The following NAF1 variants were observed in gnomAD, a reference collection of about 807,000 sequenced individuals.
The protein encoded by NAF1 is H/ACA ribonucleoprotein complex non-core subunit NAF1.
A neutral mutation model predicts 40.6 loss-of-function variants in NAF1; 11 were observed. The ratio of observed to expected loss-of-function variants is 0.27; its 90% confidence interval spans 0.17 to 0.45. The LOEUF is 0.45. Ranked by LOEUF, NAF1 falls within the 20% of genes least tolerant of loss-of-function variation. The pLI is 1.00. For missense variants in NAF1, 607 were observed against 611.1 expected (o/e 0.99, Z 0.07); for synonymous variants, 260 against 228.5 (o/e 1.14, Z -1.24).
In NAF1 at chr4:163,166,489, G is replaced by A; in HGVS notation, c.239C>T (p.Ala80Val). Reference sequence around the variant, plus strand: ...TTCAGCCGGTGGCTGTGGCTGCGGCGCCGGGGTCCCGGCCGCGACGGCGTT... The same window carrying A: ...TTCAGCCGGTGGCTGTGGCTGCGGCACCGGGGTCCCGGCCGCGACGGCGTT... ...VLNAVAAGTP[A>V]PQPQPPAESP... The change falls in exon 1 of 8, where the codon GCG becomes GTG. Residue 80 changes from alanine to valine, a missense_variant. By Grantham distance (64) the Ala-to-Val change is moderately conservative. Around this residue, in one of 3 missense-constraint regions of NAF1, gnomAD observed 407 missense variants for 365.5 expected, o/e 1.11. Coordinates refer to ENST00000274054, the MANE Select transcript of NAF1 (RefSeq NM_138386.3). 3 of 1,599,758 alleles carry A rather than the reference G, an allele frequency of 1.9e-6. No homozygotes were observed. Among genetic ancestry groups the A allele is most frequent in the Non-Finnish European group, 2.6e-6 (3 of 1,173,114 alleles).
rs187843950 is a variant in NAF1 at position 163,166,837 on chromosome 4, G to T, written c.-110C>A. On this transcript the variant is annotated 5_prime_UTR_variant, in exon 1 of 8. Transcript: ENST00000274054. ...TAGGCAACCGCAGCAACACTGCCTG[G>T]GCCCAACTTCCCGCGTTTCTCAGGT... 12 of 1,420,424 alleles carry T rather than the reference G, an allele frequency of 8.4e-6. No homozygotes were observed. The East Asian group carries it at 2.7e-4, about 32-fold the overall frequency. The allele number at this position is 1,420,424 out of a possible 1,614,324, so 88.0% of individuals were successfully genotyped here.
intron 7 of NAF1, among the ~76,000 whole-genome samples, chr4:163,130,454 T>C (rs1250909359): frequency 4.6e-5 from 7 of 152,030 alleles, no homozygotes; most frequent in Non-Finnish European, 2.9e-5. Context: ...AAAAACTCAA[T>C]GGAACAATAT....
chr4:163,158,242 G>A (rs922716768), intron 2 of NAF1: 2 of 152,054 alleles, frequency 1.3e-5, no homozygotes, highest in South Asian at 2.1e-4. Context: ...TATTAGGTGA[G>A]CCTTCACTTT....
downstream of NAF1, among the ~76,000 whole-genome samples, chr4:163,124,127 A>C (rs1730586544): frequency 6.6e-6 from 1 of 152,250 alleles, no homozygotes; most frequent in Non-Finnish European, 1.5e-5. Flanking sequence ...AGGCTGAGAC[A>C]AAGGGATTGC....
rs1355305000 is a variant in NAF1 at position 163,164,312 on chromosome 4, G to A, written c.445C>T (p.Leu149Phe). The change falls in exon 2 of 8, where the codon CTT (leucine) becomes TTT (phenylalanine). Residue 149 changes from leucine to phenylalanine, a missense_variant. This residue lies in a region of NAF1 where 407 missense variants were observed against 365.5 expected (regional missense o/e 1.11). Coordinates refer to ENST00000274054, the MANE Select transcript of NAF1 (RefSeq NM_138386.3). ...TCTCCATCTGACAGCACTGGAGGAA[G>A]TGATATACAAGAGGAAGAAGACGAC... The part of the protein sequence containing the change: ...SSSSSSSCIS[L>F]PPVLSDGDDD... 1.2e-6 allele frequency: 2 copies of A among 1,602,534 alleles called. No homozygotes were observed. The highest frequency in any genetic ancestry group is 2.3e-5 in the South Asian group (2 of 87,732).
In NAF1 at chr4:163,145,872, A is replaced by G. The variant is rs1731444537; in HGVS notation, c.635-8T>C. On this transcript the variant is annotated splice_polypyrimidine_tract_variant and splice_region_variant and intron_variant, in intron 3 of 7. Coordinates refer to ENST00000274054, the MANE Select transcript of NAF1 (RefSeq NM_138386.3). ...TCATAGATTCAATTATTACTGAAAA[A>G]TAAAATAGATTACTTCAAGATTTAC... 1 of 1,260,574 alleles carries G rather than the reference A, an allele frequency of 7.9e-7. No homozygotes were observed. 78.1% of individuals were successfully genotyped at this position (1,260,574 alleles called of 1,614,324 possible). A position where few individuals can be genotyped will look rare whatever the true frequency, so the allele number is the denominator to read the frequency against.
intron 6 of NAF1, chr4:163,136,276 C>T (rs1328238571): frequency 6.7e-6 from 1 of 148,912 alleles, no homozygotes; most frequent in East Asian, 2.0e-4. Context: ...CACTTGAGGC[C>T]AAGAGCTTGA....
intron 5 of NAF1, among the ~76,000 whole-genome samples, chr4:163,138,786 A>C (rs974334896): frequency 1.3e-5 from 2 of 152,192 alleles, no homozygotes; most frequent in Admixed American, 6.5e-5. Context: ...AACCATCTTC[A>C]GAAAACCTCT....
At chr4:163,119,275 A>T (rs964558939) in intron 2 of NAF1, 1 of 152,236 alleles carries the variant, frequency 6.6e-6, no homozygotes, top group African/African-American at 2.4e-5. Flanking sequence ...AATCAGCTTC[A>T]TAAAATAGGG....
intron 5 of NAF1, among the ~76,000 whole-genome samples, chr4:163,138,552 A>T (rs536320056): frequency 9.2e-5 from 14 of 152,252 alleles, no homozygotes; most frequent in African/African-American, 3.4e-4. Context: ...AGAGAACAGT[A>T]AGCTGGAAAG....
At chr4:163,121,373 A>C (rs1438816571) in intron 2 of NAF1, among the ~76,000 whole-genome samples, 6 of 152,218 alleles carry the variant, frequency 3.9e-5, no homozygotes, top group African/African-American at 1.4e-4. Context: ...AAGTAAAAAA[A>C]AACTTTTGAA....
intron 1 of NAF1, among the ~76,000 whole-genome samples, 158 bp downstream of exon 1, chr4:163,166,205 C>T (rs1448907627): frequency 1.3e-5 from 2 of 152,214 alleles, no homozygotes; most frequent in Non-Finnish European, 2.9e-5. Flanking sequence ...GAATAAGGGG[C>T]AGTCGGAGCC....
chr4:163,166,436 A>AGGT lies in NAF1; in HGVS notation c.289_291dup (p.Thr97dup), dbSNP rs746812882. The AGGT allele has an allele frequency of 5.6e-6, 9 of 1,606,742 alleles. No homozygotes were observed. Among genetic ancestry groups the AGGT allele is most frequent in the Non-Finnish European group, 7.6e-6 (9 of 1,176,698 alleles). On this transcript the variant is annotated inframe_insertion, in exon 1 of 8. Transcript: ENST00000274054. ...CGCGCAGGCTCTGCGGCTCCTGGGG[A>AGGT]GGTGACGCAGTCTCCGCAGGCCGGC...
At chr4:163,123,543 G>A (rs1223241320), downstream of NAF1, among the ~76,000 whole-genome samples, 1 of 152,042 alleles carries the variant, frequency 6.6e-6, no homozygotes, top group Non-Finnish European at 1.5e-5. Context: ...AACCATGCTC[G>A]GCTAATTTTT....
chr4:163,104,423 C>G, the NAF1 span, among the ~76,000 whole-genome samples: 9 of 152,226 alleles, frequency 5.9e-5, no homozygotes, highest in African/African-American at 1.9e-4. Context: ...TACATACTCA[C>G]TGAAAAAAGA....
At position 163,129,152 on chromosome 4, in the gene NAF1, A is replaced by G. The variant is rs1406117493; in HGVS notation, c.1230T>C (p.Pro410=). The stretch of plus-strand genomic sequence containing the variant: ...TAATGGGATTATTTTGTCTCTGAGA[A>G]GGAAATCCTGAAGTCTCCTGAGATA... ...HMVSQETSGF[P]SQRQNNPIMP... Residue 410 remains proline, a synonymous_variant, in exon 8 of 8, where the codon CCT becomes CCC. Transcript: ENST00000274054. 5 of 1,613,944 alleles carry G rather than the reference A, an allele frequency of 3.1e-6. No individual in the cohort carries two copies. In the African/African-American group the frequency reaches 5.3e-5, roughly 17 times the overall value.
At chr4:163,134,497 T>G (rs1212095615) in intron 6 of NAF1, among the ~76,000 whole-genome samples, 2 of 152,168 alleles carry the variant, frequency 1.3e-5, no homozygotes, top group Admixed American at 1.3e-4. Flanking sequence ...TCAGGTTAAA[T>G]CTGGTATCTG....
At position 163,137,216 on chromosome 4, in the gene NAF1, G is replaced by C; in HGVS notation, c.913C>G (p.Gln305Glu). The C allele has an allele frequency of 6.2e-7, 1 of 1,612,180 alleles. No individual in the cohort carries two copies. Among genetic ancestry groups the C allele is most frequent in the East Asian group, 2.2e-5 (1 of 44,810 alleles). ...KGSDASWKND[Q>E]EPPPEALDFS... ...ATACTTACCTCTGGTGGTGGTTCCT[G>C]ATCATTCTTCCATGATGCATCTGAT... is the stretch of plus-strand genomic sequence containing the variant. The change falls in exon 6 of 8, where the codon CAG becomes GAG. Residue 305 changes from glutamine (Q) to glutamate (E), a missense_variant. Gln to Glu is a conservative substitution (Grantham distance 29). Around this residue, in one of 3 missense-constraint regions of NAF1, gnomAD observed 11 missense variants for 29.1 expected, o/e 0.38. Coordinates refer to ENST00000274054, the MANE Select transcript of NAF1 (RefSeq NM_138386.3).
chr4:163,113,283 C>CA (rs1016687054), intron 2 of NAF1, among the ~76,000 whole-genome samples: 1 of 152,126 alleles, frequency 6.6e-6, no homozygotes, highest in Non-Finnish European at 1.5e-5. Context: ...GTATGGCCAG[C>CA]ATGGAAACGG....
Sources: gnomAD v4.1 joint callset for allele counts (sites outside exome capture counted in the v4.1 genomes callset) on GRCh38, gnomAD v4.1.1 for gene constraint, gnomAD v4.1.1 regional missense constraint, MANE v1.5 for transcripts, NCBI Gene and HGNC (gene_info 2026-07-23, HGNC 2026-07-21) for gene names.